BICC1: variants seen among roughly 807,000 people sequenced by gnomAD.
The protein encoded by BICC1 is BicC family RNA binding protein 1, also known as protein bicaudal C homolog 1.
A neutral mutation model predicts 111.0 loss-of-function variants in BICC1; 43 were observed. The ratio of observed to expected loss-of-function variants is 0.39; its 90% CI spans 0.30 to 0.50. The LOEUF is 0.50. Ranked by LOEUF, BICC1 falls within the 20% of genes least tolerant of loss-of-function variation. The pLI, the probability that BICC1 is intolerant of heterozygous loss-of-function variation, is 0.88. For synonymous variants in BICC1, 467 were observed against 434.4 expected (o/e 1.07, Z -0.93); for missense variants, 1,091 against 1,203.2 (o/e 0.91, Z 1.38).
intron 2 of BICC1, among the ~76,000 whole-genome samples, chr10:58,629,535 A>G (rs1588948751): frequency 6.6e-6 from 1 of 152,350 alleles, no homozygotes; most frequent in East Asian, 1.9e-4. Flanking sequence ...TCATTGTGGC[A>G]TATTAGAGGG....
chr10:58,762,411 A>G (rs1842340635), intron 3 of BICC1, among the ~76,000 whole-genome samples: 2 of 152,204 alleles, frequency 1.3e-5, no homozygotes, highest in Non-Finnish European at 2.9e-5. Flanking sequence ...AAAAATATCT[A>G]AAGCATATAG....
intron 2 of BICC1, among the ~76,000 whole-genome samples, chr10:58,633,883 C>A (rs188763251): frequency 3.0e-4 from 46 of 151,674 alleles, no homozygotes; most frequent in Admixed American, 1.4e-3. Context: ...TATTGATGAA[C>A]AAGTACAGAG....
Position 58,828,986 on chromosome 10 carries a change from G to T in BICC1, c.*95G>T. ...ACAGCACACCATCCTTAGCACTCTGGGTGTCTGGTATCAGGACCAAAGCAT... is the reference window on the plus strand; with the variant it reads ...ACAGCACACCATCCTTAGCACTCTGTGTGTCTGGTATCAGGACCAAAGCAT... On this transcript the variant is annotated 3_prime_UTR_variant, in exon 21 of 21. Coordinates refer to ENST00000373886, the MANE Select transcript of BICC1 (RefSeq NM_001080512.3). 2 of 1,469,588 alleles carry T rather than the reference G, an allele frequency of 1.4e-6. No individual in the cohort carries two copies. The highest frequency in any genetic ancestry group is 1.8e-6 in the Non-Finnish European group (2 of 1,083,810). 91.0% of individuals were successfully genotyped at this position (1,469,588 alleles called of 1,614,324 possible). A position where few individuals can be genotyped will look rare whatever the true frequency, so the allele number is the denominator to read the frequency against.
intron 2 of BICC1, among the ~76,000 whole-genome samples, chr10:58,681,784 C>T (rs1839529813): frequency 6.6e-6 from 1 of 151,856 alleles, no homozygotes; most frequent in South Asian, 2.1e-4. Context: ...TCCAGAGTTT[C>T]TTCCTTCCGG....
At chr10:58,673,076 A>G (rs1309162570) in intron 2 of BICC1, among the ~76,000 whole-genome samples, 1 of 152,188 alleles carries the variant, frequency 6.6e-6, no homozygotes, top group Non-Finnish European at 1.5e-5. Flanking sequence ...CCCTTGTGAC[A>G]TCATTAGTGC....
intron 3 of BICC1, among the ~76,000 whole-genome samples, chr10:58,731,948 C>T (rs1564580272): frequency 6.6e-6 from 1 of 152,188 alleles, no homozygotes; most frequent in East Asian, 1.9e-4. Context: ...CAAATCATAT[C>T]AAGGCTATTT....
At chr10:58,587,826 C>T (rs549973664) in intron 1 of BICC1, among the ~76,000 whole-genome samples, 1 of 152,112 alleles carries the variant, frequency 6.6e-6, no homozygotes, top group African/African-American at 2.4e-5. Context: ...TTATGGGTTT[C>T]GAGTAACCTA....
intron 2 of BICC1, among the ~76,000 whole-genome samples, chr10:58,661,226 T>G (rs1838833827): frequency 6.6e-6 from 1 of 151,770 alleles, no homozygotes; most frequent in African/African-American, 2.4e-5. Context: ...TTTTTTTTTT[T>G]TTGTCCCTGA....
In BICC1 at chr10:58,662,817, G is replaced by A. The variant is rs532218990; in HGVS notation, c.238-39257G>A. Among the ~76,000 whole-genome samples, 18 of 152,240 alleles carry A rather than the reference G, an allele frequency of 1.2e-4. No homozygotes were observed. In the East Asian group the frequency reaches 1.9e-3, roughly 16 times the overall value. ...TCTGGTAAGAAAGGAAAAGTATTGC[G>A]AGTTCTGAACATTCAGTTACATGTG... On this transcript the variant is annotated intron_variant, in intron 2 of 20. Transcript: ENST00000373886.
At chr10:58,530,615 A>G (rs1225424962) in intron 1 of BICC1, among the ~76,000 whole-genome samples, 1 of 151,346 alleles carries the variant, frequency 6.6e-6, no homozygotes, top group East Asian at 2.0e-4. Context: ...CCTCGCTGGA[A>G]TCAGAGATGA....
chr10:58,769,286 A>G (rs1842545546), intron 3 of BICC1, among the ~76,000 whole-genome samples: 1 of 12,652 alleles, frequency 7.9e-5, no homozygotes, highest in Non-Finnish European at 2.4e-4. Context: ...TGTTCTCAAC[A>G]CACACACACA....
chr10:58,698,301 C>T (rs1415133171), intron 2 of BICC1, among the ~76,000 whole-genome samples: 1 of 152,074 alleles, frequency 6.6e-6, no homozygotes, highest in Admixed American at 6.6e-5. Flanking sequence ...GTGGGGTGAG[C>T]CTTGAAGCCC....
intron 3 of BICC1, among the ~76,000 whole-genome samples, chr10:58,710,735 ATGTG>A (rs902293007): frequency 6.6e-6 from 1 of 152,098 alleles, no homozygotes; most frequent in East Asian, 1.9e-4. Context: ...TTACATGTAT[ATGTG>A]TGTGTGTGGT....
intron 2 of BICC1, among the ~76,000 whole-genome samples, chr10:58,642,623 C>T (rs1255701093): frequency 6.8e-6 from 1 of 146,682 alleles, no homozygotes; most frequent in Non-Finnish European, 1.5e-5. Flanking sequence ...CATTCTATTG[C>T]ACCAGTCACC....
At chr10:58,534,280 T>C (rs1444804144) in intron 1 of BICC1, among the ~76,000 whole-genome samples, 1 of 151,704 alleles carries the variant, frequency 6.6e-6, no homozygotes, top group Non-Finnish European at 1.5e-5. Context: ...AACTTTTTTT[T>C]CAAGAAGCAA....
At chr10:58,534,619 T>C (rs1593672) in intron 1 of BICC1, among the ~76,000 whole-genome samples, 65,690 of 151,252 alleles carry the variant, frequency 0.43, 16,020 homozygotes, top group Admixed American at 0.61. Context: ...TCAAAAATAA[T>C]GAGAAGAAAT....
intron 1 of BICC1, among the ~76,000 whole-genome samples, chr10:58,519,090 C>T (rs1842324259): frequency 6.6e-6 from 1 of 152,134 alleles, no homozygotes; most frequent in Non-Finnish European, 1.5e-5. Context: ...CTAAGCAGTC[C>T]AGGCTCCAAG....
At chr10:58,791,703 GCACTC>G (rs886605431) in intron 8 of BICC1, among the ~76,000 whole-genome samples, 3 of 152,046 alleles carry the variant, frequency 2.0e-5, no homozygotes, top group Admixed American at 2.0e-4. Flanking sequence ...TCGCGCCACT[GCACTC>G]CAGCCTGGGT....
intron 3 of BICC1, among the ~76,000 whole-genome samples, chr10:58,709,902 G>A (rs557026823): frequency 1.1e-4 from 17 of 152,258 alleles, no homozygotes; most frequent in South Asian, 8.3e-4. Flanking sequence ...GTGAAACTCC[G>A]GTGCCATTCT....
Sources: gnomAD v4.1 joint callset for allele counts (sites outside exome capture counted in the v4.1 genomes callset) on GRCh38, gnomAD v4.1.1 for gene constraint, MANE v1.5 for transcripts, NCBI Gene and HGNC (gene_info 2026-07-23, HGNC 2026-07-21) for gene names.